NREP: variants seen among roughly 807,000 people sequenced by gnomAD.
The protein encoded by NREP is neuronal regeneration-related protein.
Under a neutral mutation model 8.6 loss-of-function variants are expected in NREP, and 5 were observed. The ratio of observed to expected loss-of-function variants is 0.58; its 90% CI spans 0.30 to 1.22. The LOEUF (loss-of-function observed/expected upper bound fraction) is 1.22. Among genes scored for constraint, NREP ranks in the 50% most tolerant of loss-of-function variants. NREP has a pLI of 0.07. For missense variants in NREP, 86 were observed against 82.5 expected, an observed-to-expected ratio of 1.04 and a Z score of -0.17; for synonymous variants, 27 against 28.0, an observed-to-expected ratio of 0.96 and a Z score of 0.11.
intron 2 of NREP, among the ~76,000 whole-genome samples, chr5:111,936,750 A>T (rs2112608645): frequency 6.6e-6 from 1 of 152,234 alleles, no homozygotes; most frequent in Admixed American, 6.5e-5. Flanking sequence ...TGGAAACTTG[A>T]CAATTTCTTT....
intron 2 of NREP, among the ~76,000 whole-genome samples, chr5:111,871,762 C>T (rs898201797): frequency 9.9e-5 from 15 of 150,978 alleles, no homozygotes; most frequent in Admixed American, 2.0e-4. Context: ...CTAGGTGATA[C>T]GAGTTTTTCA....
chr5:111,955,378 C>T (rs1756282475), intron 2 of NREP, among the ~76,000 whole-genome samples: 1 of 151,120 alleles, frequency 6.6e-6, no homozygotes, highest in Non-Finnish European at 1.5e-5. Flanking sequence ...GCGAAAGAAT[C>T]ACATAAATGC....
intron 3 of NREP, 88 bp downstream of exon 3, chr5:111,735,342 G>C: frequency 1.2e-6 from 1 of 826,066 alleles, no homozygotes; most frequent in Non-Finnish European, 2.0e-6. Flanking sequence ...GCCTATAATG[G>C]GTATTCAAAT....
chr5:111,792,030 A>G (rs1219412455), intron 2 of NREP, among the ~76,000 whole-genome samples: 2 of 152,222 alleles, frequency 1.3e-5, no homozygotes, highest in African/African-American at 4.8e-5. Flanking sequence ...GTTATAAACT[A>G]TCATCAGTGT....
intron 2 of NREP, among the ~76,000 whole-genome samples, chr5:111,921,604 A>G (rs2112581392): frequency 6.6e-6 from 1 of 152,272 alleles, no homozygotes; most frequent in East Asian, 1.9e-4. Flanking sequence ...GGTTCGGGCA[A>G]TGTCCTTTAA....
intron 2 of NREP, among the ~76,000 whole-genome samples, chr5:111,972,730 C>T (rs34930): frequency 0.35 from 53,552 of 151,756 alleles, 9,964 homozygotes; most frequent in South Asian, 0.57. Context: ...AGACCCGAGT[C>T]TTGACCCCCA....
At chr5:111,846,074 AAAT>A (rs1173174336) in intron 2 of NREP, 7 of 154,522 alleles carry the variant, frequency 4.5e-5, no homozygotes, top group Admixed American at 1.3e-4. Flanking sequence ...TACACCAAAA[AAAT>A]AATAATAATA....
chr5:111,906,895 AGTTT>A (rs891991801), intron 2 of NREP, among the ~76,000 whole-genome samples: 67 of 151,912 alleles, frequency 4.4e-4, no homozygotes, highest in African/African-American at 1.5e-3. Context: ...TTCTTTCTAT[AGTTT>A]GTTTTTTATT....
At chr5:111,830,389 C>T (rs1172168339) in intron 2 of NREP, among the ~76,000 whole-genome samples, 2 of 152,158 alleles carry the variant, frequency 1.3e-5, no homozygotes, top group Non-Finnish European at 2.9e-5. Flanking sequence ...AAGAGTCAAT[C>T]CTAAATCAGG....
chr5:111,762,224 C>A (rs752510744), upstream of NREP, among the ~76,000 whole-genome samples: 5 of 152,022 alleles, frequency 3.3e-5, no homozygotes, highest in Non-Finnish European at 5.9e-5. Context: ...TAGATTCTGG[C>A]TTTGTGACTG....
intron 2 of NREP, among the ~76,000 whole-genome samples, chr5:111,934,073 T>C (rs1292825870): frequency 6.6e-6 from 1 of 152,030 alleles, no homozygotes; most frequent in African/African-American, 2.4e-5. Context: ...TTTGCACAAA[T>C]AGTATGCAGA....
chr5:111,874,477 T>C (rs1232072637), intron 2 of NREP, among the ~76,000 whole-genome samples: 1 of 152,226 alleles, frequency 6.6e-6, no homozygotes, highest in South Asian at 2.1e-4. Context: ...GTGCATTTCA[T>C]GGTAGGCCCA....
At chr5:111,923,650 C>G (rs1388089488) in intron 2 of NREP, among the ~76,000 whole-genome samples, 2 of 152,206 alleles carry the variant, frequency 1.3e-5, no homozygotes, top group East Asian at 3.9e-4. Context: ...GCCACTGCTG[C>G]AACTGCCCAG....
chr5:111,896,293 T>C (rs1330782755), intron 2 of NREP, among the ~76,000 whole-genome samples: 1 of 152,132 alleles, frequency 6.6e-6, no homozygotes, highest in East Asian at 1.9e-4. Context: ...TATAACGAAG[T>C]TTTGGTTTAA....
At chr5:111,763,284 A>G (rs755969922) in intron 2 of NREP, among the ~76,000 whole-genome samples, 39 of 152,222 alleles carry the variant, frequency 2.6e-4, no homozygotes, top group Non-Finnish European at 4.9e-4. Context: ...GAGGAGGAAA[A>G]ATAGATGTAA....
intron 2 of NREP, among the ~76,000 whole-genome samples, chr5:111,798,200 A>G (rs572459024): frequency 1.8e-4 from 28 of 152,328 alleles, no homozygotes; most frequent in Non-Finnish European, 3.7e-4. Context: ...AATTTTAACA[A>G]ATAAGATTAA....
intron 2 of NREP, among the ~76,000 whole-genome samples, chr5:111,736,235 A>C (rs1366214607): frequency 6.6e-6 from 1 of 152,206 alleles, no homozygotes; most frequent in African/African-American, 2.4e-5. Flanking sequence ...TACAACTAAG[A>C]TTTGGGTCAG....
intron 2 of NREP, among the ~76,000 whole-genome samples, chr5:111,934,758 G>T (rs555588212): frequency 1.1e-4 from 17 of 152,126 alleles, no homozygotes; most frequent in Non-Finnish European, 1.9e-4. Flanking sequence ...GGGAAGCTCT[G>T]CTAACACAGG....
At chr5:111,751,230 A>G (rs1248375969) in intron 2 of NREP, among the ~76,000 whole-genome samples, 1 of 152,242 alleles carries the variant, frequency 6.6e-6, no homozygotes. Context: ...AATGCATATG[A>G]TCCAACTAAC....
Sources: allele counts gnomAD v4.1 joint callset (sites outside exome capture counted in the v4.1 genomes callset), GRCh38; gene constraint gnomAD v4.1.1; transcripts MANE v1.5; gene names NCBI Gene and HGNC (gene_info 2026-07-23, HGNC 2026-07-21).